Variants in PDE10A observed in about 807,000 individuals in gnomAD.
PDE10A encodes phosphodiesterase 10A.
In PDE10A, 39 loss-of-function variants were observed where a neutral mutation model predicts 97.7. That is an observed-to-expected ratio of 0.40 (90% CI 0.31 to 0.52). PDE10A has a LOEUF of 0.52. PDE10A is among the 20% of genes least tolerant of loss of function. The pLI is 0.56. For synonymous variants in PDE10A, 371 were observed against 376.8 expected, an observed-to-expected ratio of 0.98 and a Z score of 0.18; for missense variants, 731 against 1,047.8, an observed-to-expected ratio of 0.70 and a Z score of 4.17.
At chr6:165,355,144 TAAG>T (rs1782945985) in intron 18 of PDE10A, among the ~76,000 whole-genome samples, 1 of 152,174 alleles carries the variant, frequency 6.6e-6, no homozygotes, top group Admixed American at 6.5e-5. Flanking sequence ...ATCGACATCT[TAAG>T]AACAAAATAC....
intron 8 of PDE10A, 98 bp downstream of exon 8, chr6:165,431,324 G>T: frequency 1.6e-6 from 1 of 626,840 alleles, no homozygotes; most frequent in Non-Finnish European, 2.8e-6. Flanking sequence ...CCAAAATAAG[G>T]CATTGGGTGA....
At chr6:165,371,531 G>T (rs1784247607) in intron 18 of PDE10A, among the ~76,000 whole-genome samples, 1 of 152,024 alleles carries the variant, frequency 6.6e-6, no homozygotes, top group African/African-American at 2.4e-5. Flanking sequence ...AAACCAGGAA[G>T]AAGTTGAATC....
intron 12 of PDE10A, 36 bp from the exon 13 acceptor site, chr6:165,413,723 C>A: frequency 6.6e-7 from 1 of 1,515,416 alleles, no homozygotes; most frequent in Non-Finnish European, 9.1e-7. Context: ...ACAACAACAA[C>A]AAAAGGGCAG....
At chr6:165,619,476 AGT>A in intron 1 of PDE10A, among the ~76,000 whole-genome samples, 1 of 142,640 alleles carries the variant, frequency 7.0e-6, no homozygotes. Context: ...AGTGTAGTGT[AGT>A]CTAGTGTAGT....
At chr6:165,702,352 G>A (rs1258961044) in intron 1 of PDE10A, among the ~76,000 whole-genome samples, 2 of 152,148 alleles carry the variant, frequency 1.3e-5, no homozygotes, top group Non-Finnish European at 2.9e-5. Flanking sequence ...TGTTCCCCAG[G>A]TGCTGACATC....
At chr6:165,358,347 T>C (rs1195064163) in intron 18 of PDE10A, among the ~76,000 whole-genome samples, 1 of 152,134 alleles carries the variant, frequency 6.6e-6, no homozygotes, top group Admixed American at 6.5e-5. Flanking sequence ...TTCTGTGTTT[T>C]TTTGTTCGTT....
At chr6:165,858,397 G>C (rs1484235611) in intron 1 of PDE10A, among the ~76,000 whole-genome samples, 1 of 152,198 alleles carries the variant, frequency 6.6e-6, no homozygotes, top group Non-Finnish European at 1.5e-5. Flanking sequence ...TAACCAAGTG[G>C]GGAGGGAGTT....
chr6:165,392,588 C>T, intron 16 of PDE10A, 58 bp downstream of exon 16: 1 of 1,507,712 alleles, frequency 6.6e-7, no homozygotes, highest in South Asian at 1.2e-5. Context: ...GTGCTCCTGA[C>T]ACACAGTATT....
At chr6:165,734,956 A>AGAT (rs970259483) in intron 1 of PDE10A, among the ~76,000 whole-genome samples, 16 of 107,134 alleles carry the variant, frequency 1.5e-4, no homozygotes, top group Non-Finnish European at 2.8e-4. Context: ...GAAAGTAGAT[A>AGAT]GATAGATAGA....
intron 1 of PDE10A, among the ~76,000 whole-genome samples, chr6:165,765,548 T>TGGGGCCGGC (rs1255779170): frequency 1.4e-5 from 2 of 144,408 alleles, no homozygotes; most frequent in Admixed American, 1.4e-4. Flanking sequence ...CCTCATTGCC[T>TGGGGCCGGC]GGGGCCGGCA....
At chr6:165,821,311 C>T (rs998303162) in intron 1 of PDE10A, among the ~76,000 whole-genome samples, 2 of 152,196 alleles carry the variant, frequency 1.3e-5, no homozygotes, top group African/African-American at 4.8e-5. Flanking sequence ...ACAACCTGAC[C>T]TTTCCTTCCC....
chr6:165,752,399 G>A (rs1033754901), intron 1 of PDE10A, among the ~76,000 whole-genome samples: 1 of 152,138 alleles, frequency 6.6e-6, no homozygotes, highest in Non-Finnish European at 1.5e-5. Context: ...GAGGATCCCG[G>A]GACCATGTGT....
At chr6:165,762,987 C>T (rs1793288406) in intron 1 of PDE10A, among the ~76,000 whole-genome samples, 1 of 152,088 alleles carries the variant, frequency 6.6e-6, no homozygotes, top group South Asian at 2.1e-4. Flanking sequence ...AGCCCTGGAA[C>T]AAGGAAAAAG....
At chr6:165,636,195 G>A (rs964785718) in intron 1 of PDE10A, among the ~76,000 whole-genome samples, 2 of 152,042 alleles carry the variant, frequency 1.3e-5, no homozygotes, top group African/African-American at 2.4e-5. Context: ...CCTGGGTTAG[G>A]GTAAACCCTG....
chr6:165,568,021 C>A (rs911159983), intron 1 of PDE10A, among the ~76,000 whole-genome samples: 2 of 73,088 alleles, frequency 2.7e-5, no homozygotes, highest in African/African-American at 1.2e-4. Flanking sequence ...TTTTTTGAGA[C>A]GGAGTCTCGC....
intron 18 of PDE10A, among the ~76,000 whole-genome samples, chr6:165,367,370 C>A (rs1335663995): frequency 6.6e-6 from 1 of 151,794 alleles, no homozygotes; most frequent in Non-Finnish European, 1.5e-5. Flanking sequence ...CAACAAAATA[C>A]ACAAACCATT....
chr6:165,641,942 C>T (rs1374021362), intron 1 of PDE10A, among the ~76,000 whole-genome samples: 2 of 152,236 alleles, frequency 1.3e-5, no homozygotes, highest in East Asian at 3.9e-4. Flanking sequence ...TGCAGGCCAC[C>T]AGCTGGAGTG....
At chr6:165,406,260 GTT>G (rs1787154454) in intron 13 of PDE10A, among the ~76,000 whole-genome samples, 1 of 150,258 alleles carries the variant, frequency 6.7e-6, no homozygotes, top group Non-Finnish European at 1.5e-5. Context: ...GTGTGTGTGT[GTT>G]TCTGTGTGTG....
intron 1 of PDE10A, among the ~76,000 whole-genome samples, chr6:165,854,752 G>T (rs1271604687): frequency 6.6e-6 from 1 of 152,200 alleles, no homozygotes; most frequent in African/African-American, 2.4e-5. Context: ...CGGGGTCCGG[G>T]AGGAGGGCAG....
Sources: gnomAD v4.1 joint callset for allele counts (sites outside exome capture counted in the v4.1 genomes callset) on GRCh38, gnomAD v4.1.1 for gene constraint, MANE v1.5 for transcripts, NCBI Gene and HGNC (gene_info 2026-07-23, HGNC 2026-07-21) for gene names.